The following NXPH1 variants were observed in gnomAD, a reference collection of about 807,000 sequenced individuals.
NXPH1 encodes neurexophilin-1.
In NXPH1, 5 loss-of-function variants were observed where a neutral mutation model predicts 23.7. The observed-to-expected ratio is 0.21, with a 90% CI of 0.11 to 0.44. The LOEUF is 0.44. Ranked by LOEUF, NXPH1 falls within the 20% of genes least tolerant of loss-of-function variation. The pLI is 0.99. For missense variants in NXPH1, 324 were observed against 321.6 expected (o/e 1.01, Z -0.06); for synonymous variants, 144 against 122.2 (o/e 1.18, Z -1.18).
intron 2 of NXPH1, among the ~76,000 whole-genome samples, chr7:8,478,050 T>C (rs1026811361): frequency 1.3e-5 from 2 of 152,098 alleles, no homozygotes; most frequent in African/African-American, 4.8e-5. Flanking sequence ...ATTTGCTGAA[T>C]GAATAAAAAG....
At chr7:8,531,645 G>T (rs1018804142) in intron 2 of NXPH1, among the ~76,000 whole-genome samples, 2 of 152,136 alleles carry the variant, frequency 1.3e-5, no homozygotes, top group African/African-American at 4.8e-5. Context: ...ATAAAGGTAG[G>T]TTCTTTGCTT....
At chr7:8,588,166 C>T (rs1451554384) in intron 2 of NXPH1, among the ~76,000 whole-genome samples, 1 of 152,244 alleles carries the variant, frequency 6.6e-6, no homozygotes, top group African/African-American at 2.4e-5. Flanking sequence ...TAAATTAGTT[C>T]AACCATTGTG....
chr7:8,527,503 AC>A (rs537662654), intron 2 of NXPH1, among the ~76,000 whole-genome samples: 26 of 152,080 alleles, frequency 1.7e-4, no homozygotes, highest in African/African-American at 6.3e-4. Flanking sequence ...GCTTTGGCAA[AC>A]CCATAGAGGG....
At chr7:8,595,178 GTTAC>G (rs1819193859) in intron 2 of NXPH1, among the ~76,000 whole-genome samples, 1 of 151,786 alleles carries the variant, frequency 6.6e-6, no homozygotes, top group Non-Finnish European at 1.5e-5. Flanking sequence ...AAGAAGGAGT[GTTAC>G]TTCTGCCAGT....
At chr7:8,655,469 C>CACAT (rs1820563771) in intron 2 of NXPH1, among the ~76,000 whole-genome samples, 1 of 134,442 alleles carries the variant, frequency 7.4e-6, no homozygotes, top group Admixed American at 8.2e-5. Flanking sequence ...CACACACACA[C>CACAT]ACACACACAC....
chr7:8,491,458 T>C (rs1294787464), intron 2 of NXPH1, among the ~76,000 whole-genome samples: 1 of 152,060 alleles, frequency 6.6e-6, no homozygotes, highest in Non-Finnish European at 1.5e-5. Context: ...TTGAAAAATA[T>C]GCTCCCGGAA....
intron 2 of NXPH1, among the ~76,000 whole-genome samples, chr7:8,474,953 T>C (rs1271542538): frequency 6.6e-6 from 1 of 152,112 alleles, no homozygotes; most frequent in Non-Finnish European, 1.5e-5. Flanking sequence ...CTGAGGCTTA[T>C]GTGTGAGGAC....
At chr7:8,502,389 T>A (rs796843510) in intron 2 of NXPH1, among the ~76,000 whole-genome samples, 5 of 152,172 alleles carry the variant, frequency 3.3e-5, no homozygotes, top group African/African-American at 1.2e-4. Flanking sequence ...CTGGCCCTTA[T>A]GTTAAAGATT....
At chr7:8,474,728 C>A (rs969526871) in intron 2 of NXPH1, among the ~76,000 whole-genome samples, 2 of 152,124 alleles carry the variant, frequency 1.3e-5, no homozygotes, top group African/African-American at 4.8e-5. Flanking sequence ...TCACCTTTTT[C>A]TTCTAGTTCA....
chr7:8,457,664 G>A (rs1357912177), intron 2 of NXPH1, among the ~76,000 whole-genome samples: 1 of 151,350 alleles, frequency 6.6e-6, no homozygotes, highest in Non-Finnish European at 1.5e-5. Context: ...GTTCATACTT[G>A]TATTTTCTCA....
chr7:8,732,189 C>T (rs1225296496), intron 2 of NXPH1, among the ~76,000 whole-genome samples: 4 of 152,220 alleles, frequency 2.6e-5, no homozygotes, highest in Non-Finnish European at 5.9e-5. Context: ...AATGCCTCGC[C>T]ATGCTTCGGC....
chr7:8,691,344 T>C (rs1821218289), intron 2 of NXPH1, among the ~76,000 whole-genome samples: 1 of 152,046 alleles, frequency 6.6e-6, no homozygotes, highest in Non-Finnish European at 1.5e-5. Flanking sequence ...AGACAGGGTT[T>C]CTTCAGGTTT....
chr7:8,560,919 T>A (rs1212368571), intron 2 of NXPH1, among the ~76,000 whole-genome samples: 2 of 151,630 alleles, frequency 1.3e-5, no homozygotes, highest in Non-Finnish European at 3.0e-5. Context: ...TGGCTGCAGG[T>A]TACAGCATTT....
intron 2 of NXPH1, among the ~76,000 whole-genome samples, chr7:8,718,685 C>T (rs1252171115): frequency 6.6e-6 from 1 of 152,186 alleles, no homozygotes; most frequent in Admixed American, 6.5e-5. Flanking sequence ...ACTTGCTTCT[C>T]TACCATTAAA....
chr7:8,545,909 T>C (rs1818190866), intron 2 of NXPH1, among the ~76,000 whole-genome samples: 1 of 151,472 alleles, frequency 6.6e-6, no homozygotes, highest in Non-Finnish European at 1.5e-5. Flanking sequence ...CTGGGCTTAA[T>C]TATGTTGATA....
chr7:8,741,929 A>G (rs1203305288), intron 2 of NXPH1, among the ~76,000 whole-genome samples: 1 of 152,172 alleles, frequency 6.6e-6, no homozygotes, highest in Non-Finnish European at 1.5e-5. Context: ...CATCTTTCAA[A>G]TATTCTTAAG....
intron 2 of NXPH1, among the ~76,000 whole-genome samples, chr7:8,728,370 A>G (rs1370657579): frequency 1.3e-5 from 2 of 152,076 alleles, no homozygotes; most frequent in South Asian, 4.1e-4. Context: ...AACTTCCAAC[A>G]CTATGTTGAA....
chr7:8,664,173 G>C lies in NXPH1; in HGVS notation c.55-86835G>C, dbSNP rs1413835208. On this transcript the variant is annotated intron_variant, in intron 2 of 2. Transcript: ENST00000405863. Reference sequence around the variant, plus strand: ...TCCCATCTTCCTAAAGAAAGCGAAGGGTAAGCTTATCCCATCTCCTCCCTC... The same window carrying C: ...TCCCATCTTCCTAAAGAAAGCGAAGCGTAAGCTTATCCCATCTCCTCCCTC... Among the ~76,000 whole-genome samples the C allele has an allele frequency of 2.0e-5, 3 of 151,916 alleles. No homozygotes were observed. In the East Asian group the frequency reaches 5.8e-4, roughly 29 times the overall value.
chr7:8,629,800 AAC>A (rs1394157563), intron 2 of NXPH1, among the ~76,000 whole-genome samples: 1 of 152,128 alleles, frequency 6.6e-6, no homozygotes, highest in Admixed American at 6.6e-5. Context: ...GACTTTTTAA[AAC>A]ACAGTTGTAG....
Sources: allele counts gnomAD v4.1 joint callset (sites outside exome capture counted in the v4.1 genomes callset), GRCh38; gene constraint gnomAD v4.1.1; transcripts MANE v1.5; gene names NCBI Gene and HGNC (gene_info 2026-07-23, HGNC 2026-07-21).